The following GRK3 variants were observed in gnomAD, a reference collection of about 807,000 sequenced individuals.
GRK3 encodes the protein adrenergic, beta, receptor kinase 2.
GRK3 carries 54 observed loss-of-function variants against 95.7 expected under a neutral mutation model. That is an observed-to-expected ratio of 0.56 (90% confidence interval 0.45 to 0.71). The LOEUF (loss-of-function observed/expected upper bound fraction) is 0.71. GRK3 is among the 30% of genes least tolerant of loss of function. The pLI, the probability that GRK3 is intolerant of heterozygous loss-of-function variation, is 0.00. For missense variants in GRK3, 649 were observed against 851.2 expected, an observed-to-expected ratio of 0.76 and a Z score of 2.96; for synonymous variants, 281 against 290.8, an observed-to-expected ratio of 0.97 and a Z score of 0.34.
At position 25,725,753 on chromosome 22, in the gene GRK3, T is replaced by A; in HGVS notation, c.*3303T>A. The A allele has an allele frequency of 2.5e-6, 1 of 396,676 alleles. No individual in the cohort carries two copies. The allele number at this position is 396,676 out of a possible 1,614,324, so 24.6% of individuals were successfully genotyped here. ...CGAGGTCAGGAGATTGAGACCATCC[T>A]GGTTAGCAGAGTGAAACCCCGTCTC... On this transcript the variant is annotated 3_prime_UTR_variant, in exon 21 of 21. Coordinates refer to ENST00000324198, the MANE Select transcript of GRK3 (RefSeq NM_005160.4).
chr22:25,621,254 G>A (rs2084583723), intron 2 of GRK3, among the ~76,000 whole-genome samples: 1 of 152,226 alleles, frequency 6.6e-6, no homozygotes, highest in African/African-American at 2.4e-5. Context: ...CCAACATATA[G>A]AATTCCCCTT....
At chr22:25,718,810 A>G (rs573223313) in intron 19 of GRK3, among the ~76,000 whole-genome samples, 17 of 152,354 alleles carry the variant, frequency 1.1e-4, no homozygotes, top group East Asian at 9.6e-4. Flanking sequence ...AAATCATAAC[A>G]ACTGCAGTCA....
intron 3 of GRK3, among the ~76,000 whole-genome samples, chr22:25,655,243 A>G (rs1365156254): frequency 6.6e-6 from 1 of 152,116 alleles, no homozygotes; most frequent in East Asian, 1.9e-4. Flanking sequence ...CATTCAAAGT[A>G]TCTTTACATT....
chr22:25,704,169 C>T lies in GRK3; in HGVS notation c.1288C>T (p.Gln430Ter), dbSNP rs1471227283. 6.2e-7 allele frequency: 1 copy of T among 1,613,584 alleles called. No homozygotes were observed. The highest frequency in any genetic ancestry group is 1.3e-5 in the African/African-American group (1 of 74,900). Residue 430 changes from glutamine to a stop codon, truncating the protein, a stop_gained, in exon 15 of 21, where the codon CAG becomes TAG. Transcript: ENST00000324198. LOFTEE classifies it high-confidence loss of function. ...ELKSLLEGLLQRDVSKRLGCH... is the reference protein window; with the variant it reads ...ELKSLLEGLL ...GAAGTCCCTTTTGGAGGGCTTGCTT[C>T]AGCGAGACGTTAGCAAGCGGCTGGG...
chr22:25,643,816 G>A (rs1403588083), intron 2 of GRK3, among the ~76,000 whole-genome samples: 2 of 152,222 alleles, frequency 1.3e-5, no homozygotes, highest in East Asian at 1.9e-4. Context: ...CATTCATTCA[G>A]TGAACATTTA....
chr22:25,715,149 A>G (rs914897413), intron 18 of GRK3: 1 of 152,242 alleles, frequency 6.6e-6, no homozygotes, highest in Non-Finnish European at 1.5e-5. Flanking sequence ...CGGGTGTGTT[A>G]AGGGTTGTAT....
intron 13 of GRK3, among the ~76,000 whole-genome samples, chr22:25,701,873 A>G (rs1044671850): frequency 2.0e-5 from 3 of 152,170 alleles, no homozygotes; most frequent in Non-Finnish European, 4.4e-5. Flanking sequence ...GCAACCTCAA[A>G]CATGTTAATA....
At chr22:25,585,896 C>A (rs1414922892) in intron 1 of GRK3, among the ~76,000 whole-genome samples, 1 of 152,278 alleles carries the variant, frequency 6.6e-6, no homozygotes, top group South Asian at 2.1e-4. Context: ...TCTAGAGCCC[C>A]CTTTTAATTA....
intron 1 of GRK3, among the ~76,000 whole-genome samples, chr22:25,571,307 T>C (rs1432872887): frequency 1.3e-5 from 2 of 152,234 alleles, no homozygotes; most frequent in African/African-American, 2.4e-5. Flanking sequence ...ATGGGACCTC[T>C]GGAAGTCACT....
At chr22:25,669,157 T>C (rs2084962016) in intron 6 of GRK3, among the ~76,000 whole-genome samples, 1 of 152,190 alleles carries the variant, frequency 6.6e-6, no homozygotes, top group Admixed American at 6.5e-5. Context: ...AATATGGTCA[T>C]GTAGCCTTTG....
At chr22:25,673,343 T>C (rs1044134819) in intron 7 of GRK3, among the ~76,000 whole-genome samples, 13 of 151,470 alleles carry the variant, frequency 8.6e-5, no homozygotes, top group African/African-American at 3.2e-4. Flanking sequence ...ATTACAGGCG[T>C]GAGCCACCGC....
At chr22:25,682,895 A>G (rs189195343) in intron 9 of GRK3, among the ~76,000 whole-genome samples, 23 of 152,324 alleles carry the variant, frequency 1.5e-4, no homozygotes, top group Admixed American at 5.9e-4. Context: ...TAGCTTTGCA[A>G]ATTGTGTTTG....
intron 1 of GRK3, 128 bp from the exon 2 acceptor site, chr22:25,604,249 C>A: frequency 3.4e-6 from 2 of 596,990 alleles, no homozygotes; most frequent in Non-Finnish European, 5.6e-6. Context: ...GCATTTCACG[C>A]AGTTGTGGCA....
At position 25,663,300 on chromosome 22, in the gene GRK3, C is replaced by T. The variant is rs139482243; in HGVS notation, c.367-330C>T. ...TCAACCTCCCAAAGTGCTGGGATTA[C>T]AGGCATGAACCAGTGCACTTGACCT... On this transcript the variant is annotated intron_variant, in intron 4 of 20. Transcript: ENST00000324198. Among the ~76,000 whole-genome samples, 622 of 152,296 alleles carry T rather than the reference C, an allele frequency of 4.1e-3. 6 individuals carry two copies. Among genetic ancestry groups the T allele is most frequent in the African/African-American group, 0.014 (577 of 41,558 alleles).
chr22:25,587,302 T>C (rs1209212868), intron 1 of GRK3, among the ~76,000 whole-genome samples: 2 of 152,220 alleles, frequency 1.3e-5, no homozygotes, highest in Admixed American at 1.3e-4. Flanking sequence ...TTCCTGACCC[T>C]AGTCTCTGTC....
At chr22:25,642,573 T>C (rs1043789822) in intron 2 of GRK3, among the ~76,000 whole-genome samples, 1 of 152,230 alleles carries the variant, frequency 6.6e-6, no homozygotes, top group Non-Finnish European at 1.5e-5. Flanking sequence ...GCTTTTAGTG[T>C]ACATTGTACT....
rs969665123 is a variant in GRK3 at position 25,725,050 on chromosome 22, G to C, written c.*2600G>C. The C allele has an allele frequency of 6.6e-6, 1 of 152,006 alleles. No homozygotes were observed. Among genetic ancestry groups the C allele is most frequent in the Non-Finnish European group, 1.5e-5 (1 of 68,018 alleles). The allele number at this position is 152,006 out of a possible 1,614,324, so 9.4% of individuals were successfully genotyped here. ...TAATTTATTTTTTGGGTAGAGATGG[G>C]GTCTTGAACTCTTAGGCTCAAGTGA... On this transcript the variant is annotated 3_prime_UTR_variant, in exon 21 of 21. Transcript: ENST00000324198.
At chr22:25,679,777 A>G (rs761416110) in intron 9 of GRK3, among the ~76,000 whole-genome samples, 17 of 152,094 alleles carry the variant, frequency 1.1e-4, no homozygotes, top group Non-Finnish European at 2.2e-4. Context: ...CCAGACACTA[A>G]CTAACTGTGT....
intron 2 of GRK3, among the ~76,000 whole-genome samples, chr22:25,606,037 C>A (rs1410605109): frequency 6.6e-6 from 1 of 152,020 alleles, no homozygotes; most frequent in African/African-American, 2.4e-5. Flanking sequence ...ACATACAGCC[C>A]CCCAAACATG....
Sources: gnomAD v4.1 joint callset for allele counts (sites outside exome capture counted in the v4.1 genomes callset) on GRCh38, gnomAD v4.1.1 for gene constraint, MANE v1.5 for transcripts, NCBI Gene and HGNC (gene_info 2026-07-23, HGNC 2026-07-21) for gene names.